Variants in SLC25A35 observed in about 807,000 individuals in gnomAD.
SLC25A35 encodes solute carrier family 25, member 35.
SLC25A35 carries 32 observed loss-of-function variants against 30.5 expected under a neutral mutation model. The observed-to-expected ratio is 1.05, with a 90% CI of 0.79 to 1.41. The LOEUF is 1.41. Among genes scored for constraint, SLC25A35 ranks in the 40% most tolerant of loss-of-function variants. The probability of loss-of-function intolerance (pLI) is 0.00; values close to 1 mark genes in which losing one functional copy is unlikely to be tolerated. For synonymous variants in SLC25A35, 142 were observed against 158.1 expected, an observed-to-expected ratio of 0.90 and a Z score of 0.77; for missense variants, 369 against 388.0, an observed-to-expected ratio of 0.95 and a Z score of 0.41.
chr17:8,294,640 C>T lies in SLC25A35; in HGVS notation c.168G>A (p.Val56=). The change falls in exon 1 of 5, where the codon GTG becomes GTA. Residue 56 remains valine, a synonymous_variant. Transcript: ENST00000577745. The stretch of plus-strand genomic sequence containing the variant: ...CTTTCTGCAGGGCAGCAAGGCCATC[C>T]ACCTTGCCGATGGTGATGAAGGCAT... ...VFHAFITIGK[V]DGLAALQKGL... 2 of 1,614,198 alleles carry T rather than the reference C, an allele frequency of 1.2e-6. No homozygotes were observed. The highest frequency in any genetic ancestry group is 8.5e-7 in the Non-Finnish European group (1 of 1,180,050).
chr17:8,289,609 G>T, downstream of SLC25A35: 1 of 1,609,776 alleles, frequency 6.2e-7, no homozygotes, highest in Non-Finnish European at 8.5e-7. Flanking sequence ...AGGAACGGGC[G>T]GGTATCTCAT....
chr17:8,288,944 G>A (rs1193957861), downstream of SLC25A35: 1 of 1,614,010 alleles, frequency 6.2e-7, no homozygotes, highest in Non-Finnish European at 8.5e-7. Flanking sequence ...GGTCTGCCTC[G>A]CCTCACTCCA....
downstream of SLC25A35, chr17:8,289,021 T>C (rs1322326186): frequency 6.2e-7 from 1 of 1,613,954 alleles, no homozygotes; most frequent in African/African-American, 1.3e-5. Flanking sequence ...CAGAGCCTGA[T>C]AGTGGAACTT....
At chr17:8,289,669 C>A (rs140531156), downstream of SLC25A35, 2 of 1,606,216 alleles carry the variant, frequency 1.2e-6, no homozygotes, top group African/African-American at 1.3e-5. Flanking sequence ...CAGGGAGACT[C>A]ACTGGTGGGA....
chr17:8,288,692 G>A (rs1026328659), downstream of SLC25A35: 26 of 1,351,520 alleles, frequency 1.9e-5, no homozygotes, highest in East Asian at 1.4e-4. Flanking sequence ...AGACCCGGGT[G>A]GCGGTGGCAG....
intron 4 of SLC25A35, 41 bp downstream of exon 4, chr17:8,290,801 C>G: frequency 6.2e-7 from 1 of 1,607,662 alleles, no homozygotes; most frequent in Non-Finnish European, 8.5e-7. Flanking sequence ...CTGCCTTCCC[C>G]ATCCCCTGCT....
At chr17:8,289,783 T>C, downstream of SLC25A35, 2 of 1,613,634 alleles carry the variant, frequency 1.2e-6, no homozygotes, top group Non-Finnish European at 1.7e-6. Flanking sequence ...CTGGATGATG[T>C]TCTGTCTCCA....
chr17:8,288,665 G>T, downstream of SLC25A35: 4 of 1,124,824 alleles, frequency 3.6e-6, no homozygotes, highest in Non-Finnish European at 5.4e-6. Flanking sequence ...AATCTTAAAG[G>T]ATCCGGGAGC....
intron 1 of SLC25A35, 58 bp downstream of exon 1, chr17:8,294,375 C>T (rs1019346890): frequency 4.0e-6 from 6 of 1,497,752 alleles, no homozygotes; most frequent in Non-Finnish European, 5.3e-6. Flanking sequence ...GAAAGAACAG[C>T]TCCTATCCTA....
chr17:8,295,022 A>T lies in SLC25A35; in HGVS notation c.-215T>A. ...TCAAGAGCTGGCAAGCAGGGAAGAG[A>T]TAGAAATCTAGGAGATTCTGGTGAG... On this transcript the variant is annotated 5_prime_UTR_variant, in exon 1 of 5. Transcript: ENST00000577745. The T allele has an allele frequency of 1.4e-6, 2 of 1,379,332 alleles. No homozygotes were observed. The highest frequency in any genetic ancestry group is 1.9e-6 in the Non-Finnish European group (2 of 1,069,692). The allele number at this position is 1,379,332 out of a possible 1,614,324, so 85.4% of individuals were successfully genotyped here.
downstream of SLC25A35, chr17:8,288,610 AGGGTCTT>A: frequency 1.4e-6 from 1 of 721,984 alleles, no homozygotes; most frequent in Non-Finnish European, 2.4e-6. Context: ...CCCCGCCCCC[AGGGTCTT>A]GGCGCCGATT....
intron 2 of SLC25A35, among the ~76,000 whole-genome samples, chr17:8,291,833 T>TGAG: frequency 6.6e-6 from 1 of 151,870 alleles, no homozygotes. Flanking sequence ...GTGGATCACC[T>TGAG]GAGGTCAGGA....
At chr17:8,290,046 A>G, downstream of SLC25A35, 2 of 1,585,906 alleles carry the variant, frequency 1.3e-6, no homozygotes, top group South Asian at 1.1e-5. Flanking sequence ...GTGCGTAAAC[A>G]TAAGACAATC....
intron 1 of SLC25A35, 59 bp downstream of exon 1, chr17:8,294,374 G>T: frequency 1.3e-6 from 2 of 1,494,632 alleles, no homozygotes; most frequent in South Asian, 2.7e-5. Flanking sequence ...GGAAAGAACA[G>T]CTCCTATCCT....
downstream of SLC25A35, chr17:8,288,638 A>C: frequency 1.1e-6 from 1 of 888,316 alleles, no homozygotes; most frequent in Non-Finnish European, 1.8e-6. Flanking sequence ...GGCCAACGAG[A>C]GCGCAGGGCG....
chr17:8,293,915 C>CTTTTTTTTTTT (rs3033784), intron 1 of SLC25A35, among the ~76,000 whole-genome samples: 1 of 132,376 alleles, frequency 7.6e-6, no homozygotes, highest in African/African-American at 2.9e-5. Flanking sequence ...AGCCCATAAT[C>CTTTTTTTTTTT]TTTTTTTTTT....
downstream of SLC25A35, chr17:8,288,590 A>T: frequency 4.6e-6 from 3 of 651,872 alleles, no homozygotes; most frequent in Non-Finnish European, 5.4e-6. Flanking sequence ...TCCGGAGCAA[A>T]GCCGCTGACC....
chr17:8,289,487 A>C, downstream of SLC25A35: 20 of 1,614,046 alleles, frequency 1.2e-5, no homozygotes, highest in Non-Finnish European at 1.7e-5. Context: ...AAGCATCCTG[A>C]CTCTGATCCC....
downstream of SLC25A35, chr17:8,288,395 C>T: frequency 3.3e-6 from 1 of 306,178 alleles, no homozygotes. Flanking sequence ...GAGCGGTGAT[C>T]GCGCCACTGC....
Sources: allele counts gnomAD v4.1 joint callset (sites outside exome capture counted in the v4.1 genomes callset), GRCh38; gene constraint gnomAD v4.1.1; transcripts MANE v1.5; gene names NCBI Gene and HGNC (gene_info 2026-07-23, HGNC 2026-07-21).